MTHFD1L: variants seen among roughly 807,000 people sequenced by gnomAD.
MTHFD1L encodes the protein monofunctional C1-tetrahydrofolate synthase, mitochondrial.
Under a neutral mutation model 119.5 loss-of-function variants are expected in MTHFD1L, and 81 were observed. The observed-to-expected ratio is 0.68, with a 90% CI of 0.57 to 0.82. MTHFD1L has a LOEUF of 0.82. Among genes scored for constraint, MTHFD1L ranks in the 40% least tolerant of loss-of-function variants. The probability of loss-of-function intolerance (pLI) is 0.00; values close to 1 mark genes in which losing one functional copy is unlikely to be tolerated. For synonymous variants in MTHFD1L, 430 were observed against 475.2 expected (o/e 0.90, Z 1.24); for missense variants, 1,125 against 1,253.4 (o/e 0.90, Z 1.55).
At chr6:150,986,201 C>T (rs989959682) in intron 20 of MTHFD1L, among the ~76,000 whole-genome samples, 9 of 152,142 alleles carry the variant, frequency 5.9e-5, no homozygotes, top group African/African-American at 2.2e-4. Flanking sequence ...AATTCTTTTC[C>T]TTTAATGAAA....
At chr6:151,061,443 C>T (rs1790625901) in intron 26 of MTHFD1L, among the ~76,000 whole-genome samples, 1 of 152,182 alleles carries the variant, frequency 6.6e-6, no homozygotes, top group African/African-American at 2.4e-5. Context: ...AGCAAATGTT[C>T]AGCATAGACC....
At chr6:150,972,886 C>G (rs1360784682) in intron 20 of MTHFD1L, among the ~76,000 whole-genome samples, 5 of 152,180 alleles carry the variant, frequency 3.3e-5, no homozygotes. Context: ...CTTTGCAGAA[C>G]CTGTTCCTCT....
At chr6:150,992,058 G>A (rs1436874772) in intron 20 of MTHFD1L, among the ~76,000 whole-genome samples, 2 of 152,170 alleles carry the variant, frequency 1.3e-5, no homozygotes, top group Non-Finnish European at 2.9e-5. Flanking sequence ...TGCCAGGACT[G>A]TACTTTAAGA....
intron 7 of MTHFD1L, among the ~76,000 whole-genome samples, chr6:150,895,470 G>A (rs1473671287): frequency 6.6e-6 from 1 of 152,100 alleles, no homozygotes; most frequent in East Asian, 1.9e-4. Flanking sequence ...AGAAATCAGA[G>A]AACCGTTTTA....
chr6:150,971,655 T>G (rs1189363138), intron 19 of MTHFD1L, among the ~76,000 whole-genome samples: 1 of 152,210 alleles, frequency 6.6e-6, no homozygotes, highest in African/African-American at 2.4e-5. Context: ...TATTTCATGG[T>G]CATTGAGGCA....
intron 24 of MTHFD1L, among the ~76,000 whole-genome samples, chr6:151,032,006 C>T (rs1389711722): frequency 6.6e-6 from 1 of 152,096 alleles, no homozygotes; most frequent in South Asian, 2.1e-4. Context: ...TCTTCTTTTC[C>T]GTTGATTAAT....
intron 11 of MTHFD1L, among the ~76,000 whole-genome samples, chr6:150,932,843 G>GAAGGAAGGAA (rs1432193734): frequency 1.4e-5 from 2 of 141,790 alleles, no homozygotes; most frequent in African/African-American, 5.5e-5. Context: ...AGGAAGGAAG[G>GAAGGAAGGAA]GAGAGAGAGT....
At chr6:150,961,606 A>G (rs115550855) in intron 18 of MTHFD1L, among the ~76,000 whole-genome samples, 3,613 of 152,330 alleles carry the variant, frequency 0.024, 154 homozygotes, top group African/African-American at 0.081. Context: ...AGGCAAAGTC[A>G]TATTTTATTA....
intron 26 of MTHFD1L, among the ~76,000 whole-genome samples, chr6:151,078,055 A>C (rs1268338602): frequency 6.7e-6 from 1 of 149,612 alleles, no homozygotes; most frequent in Non-Finnish European, 1.5e-5. Context: ...TCTGTCTCAA[A>C]AAAAAAAAAA....
chr6:151,051,987 G>C (rs73780397), intron 26 of MTHFD1L, among the ~76,000 whole-genome samples: 2,742 of 152,356 alleles, frequency 0.018, 82 homozygotes, highest in African/African-American at 0.062. Context: ...AATAACATTG[G>C]AAGTGGAGAG....
chr6:151,080,285 T>G (rs1793019248), intron 26 of MTHFD1L, among the ~76,000 whole-genome samples: 1 of 152,242 alleles, frequency 6.6e-6, no homozygotes, highest in Non-Finnish European at 1.5e-5. Flanking sequence ...GTGAACGATT[T>G]GAGGACTTTT....
At chr6:150,964,894 A>C in intron 18 of MTHFD1L, 75 bp from the exon 19 acceptor site, 20 of 1,449,366 alleles carry the variant, frequency 1.4e-5, no homozygotes, top group Non-Finnish European at 1.7e-5. Context: ...AGCAGGCTGG[A>C]GAGAAGTGCC....
intron 27 of MTHFD1L, among the ~76,000 whole-genome samples, chr6:151,095,656 T>G (rs1177960782): frequency 6.6e-6 from 1 of 152,228 alleles, no homozygotes; most frequent in East Asian, 1.9e-4. Context: ...AGGCCTATGG[T>G]AATTACTTCC....
intron 24 of MTHFD1L, among the ~76,000 whole-genome samples, chr6:151,024,320 G>A (rs902159305): frequency 6.6e-5 from 10 of 152,040 alleles, no homozygotes; most frequent in African/African-American, 2.2e-4. Context: ...TAGGAGGATC[G>A]CTAGAATCGA....
At chr6:150,889,681 G>C (rs1782901620) in intron 7 of MTHFD1L, among the ~76,000 whole-genome samples, 1 of 152,216 alleles carries the variant, frequency 6.6e-6, no homozygotes. Flanking sequence ...CTGGTTTCCT[G>C]CTGTTTTTGC....
intron 7 of MTHFD1L, among the ~76,000 whole-genome samples, chr6:150,889,345 G>A (rs910005933): frequency 2.0e-5 from 3 of 152,110 alleles, no homozygotes; most frequent in African/African-American, 4.8e-5. Context: ...AAAAAATATA[G>A]GCGTATGCAT....
chr6:151,084,970 G>GA (rs3055594), intron 26 of MTHFD1L, among the ~76,000 whole-genome samples: 5,027 of 120,040 alleles, frequency 0.042, 141 homozygotes, highest in Middle Eastern at 0.058. Context: ...CCATCTCAAA[G>GA]AAAAAAAAAA....
Position 150,958,524 on chromosome 6 carries a change from C to T in MTHFD1L, c.1804-1751C>T, listed in dbSNP as rs146970072. On this transcript the variant is annotated intron_variant, in intron 17 of 27. Transcript: ENST00000367321. ...ACATTAACTTCCAGGAAATTCATAC[C>T]AATTCACATCCTTGCCAATATCCCA... Among the ~76,000 whole-genome samples the T allele has an allele frequency of 4.3e-4, 65 of 152,160 alleles. No homozygotes were observed. The East Asian group carries it at 9.1e-3, about 21-fold the overall frequency.
At chr6:150,866,664 G>A (rs2128707393) in intron 1 of MTHFD1L, 2 of 1,183,976 alleles carry the variant, frequency 1.7e-6, no homozygotes, top group Non-Finnish European at 1.0e-6. Context: ...GACAGCCGCC[G>A]GGGGGAATCC....
Sources: gnomAD v4.1 joint callset for allele counts (sites outside exome capture counted in the v4.1 genomes callset) on GRCh38, gnomAD v4.1.1 for gene constraint, MANE v1.5 for transcripts, NCBI Gene and HGNC (gene_info 2026-07-23, HGNC 2026-07-21) for gene names.